Variants in SLC24A2 observed in about 807,000 individuals in gnomAD.
SLC24A2 encodes the protein sodium/potassium/calcium exchanger 2.
SLC24A2 carries 36 observed loss-of-function variants against 62.0 expected under a neutral mutation model. The observed-to-expected ratio is 0.58, with a 90% CI of 0.44 to 0.77. SLC24A2 has a LOEUF of 0.77. Among genes scored for constraint, SLC24A2 ranks in the 30% least tolerant of loss-of-function variants. SLC24A2 has a pLI of 0.00. For missense variants in SLC24A2, 846 were observed against 817.9 expected, an observed-to-expected ratio of 1.03 and a Z score of -0.42; for synonymous variants, 358 against 294.0, an observed-to-expected ratio of 1.22 and a Z score of -2.23.
the SLC24A2 span, among the ~76,000 whole-genome samples, chr9:20,235,528 G>A: frequency 3.9e-5 from 6 of 152,224 alleles, no homozygotes; most frequent in Admixed American, 1.3e-4. Context: ...GACCCTCTGA[G>A]CCATATGCGG....
intron 2 of SLC24A2, among the ~76,000 whole-genome samples, chr9:19,736,769 T>C (rs190058133): frequency 1.3e-5 from 2 of 152,302 alleles, no homozygotes; most frequent in East Asian, 1.9e-4. Context: ...GGAGGATCCC[T>C]TGAGACCAGG....
At chr9:20,259,966 C>A in the SLC24A2 span, among the ~76,000 whole-genome samples, 6 of 152,114 alleles carry the variant, frequency 3.9e-5, no homozygotes, top group Non-Finnish European at 8.8e-5. Context: ...CATCCGTAGT[C>A]CCAGCTACCC....
the SLC24A2 span, among the ~76,000 whole-genome samples, chr9:20,168,762 T>G: frequency 2.6e-5 from 4 of 152,026 alleles, no homozygotes; most frequent in Non-Finnish European, 4.4e-5. Flanking sequence ...GGTGGGAATG[T>G]AAAATGATGC....
chr9:20,077,982 T>G, the SLC24A2 span, among the ~76,000 whole-genome samples: 1 of 143,190 alleles, frequency 7.0e-6, no homozygotes, highest in Admixed American at 6.7e-5. Flanking sequence ...AGAGAATATG[T>G]AGGGAATGTG....
the SLC24A2 span, among the ~76,000 whole-genome samples, chr9:19,794,214 T>C: frequency 6.6e-6 from 1 of 152,214 alleles, no homozygotes; most frequent in Non-Finnish European, 1.5e-5. Context: ...ATTTTTACAT[T>C]AGGAACGGGA....
chr9:19,931,783 A>G, the SLC24A2 span, among the ~76,000 whole-genome samples: 2 of 152,220 alleles, frequency 1.3e-5, no homozygotes, highest in African/African-American at 2.4e-5. Flanking sequence ...ACAAACAACC[A>G]GAATAATTAT....
the SLC24A2 span, among the ~76,000 whole-genome samples, chr9:20,016,738 C>G: frequency 6.6e-6 from 1 of 152,086 alleles, no homozygotes; most frequent in African/African-American, 2.4e-5. Context: ...CACACACACA[C>G]AAACACATAC....
chr9:19,576,614 G>A (rs957555470), intron 6 of SLC24A2, among the ~76,000 whole-genome samples: 1 of 152,210 alleles, frequency 6.6e-6, no homozygotes, highest in Non-Finnish European at 1.5e-5. Context: ...TGTTTATGTG[G>A]AATCCCTGAA....
chr9:19,774,662 C>A (rs74615161), intron 2 of SLC24A2, among the ~76,000 whole-genome samples: 1 of 152,276 alleles, frequency 6.6e-6, no homozygotes, highest in African/African-American at 2.4e-5. Context: ...TCTACCTACA[C>A]CCTGCTTGTC....
chr9:19,901,504 G>A, the SLC24A2 span, among the ~76,000 whole-genome samples: 1 of 152,094 alleles, frequency 6.6e-6, no homozygotes, highest in Non-Finnish European at 1.5e-5. Flanking sequence ...GAGGGGTTGG[G>A]GCAGGAGCTT....
intron 8 of SLC24A2, among the ~76,000 whole-genome samples, chr9:19,540,372 C>T (rs1242884162): frequency 1.4e-5 from 2 of 145,816 alleles, no homozygotes; most frequent in African/African-American, 2.6e-5. Flanking sequence ...TTTAGTGCTT[C>T]CTTCAGGAGC....
At chr9:19,903,098 G>T in the SLC24A2 span, among the ~76,000 whole-genome samples, 2 of 151,386 alleles carry the variant, frequency 1.3e-5, no homozygotes, top group African/African-American at 4.9e-5. Flanking sequence ...ATCAGATCGA[G>T]TGCCAGACCT....
At chr9:20,148,373 G>A in the SLC24A2 span, among the ~76,000 whole-genome samples, 1 of 152,058 alleles carries the variant, frequency 6.6e-6, no homozygotes, top group Non-Finnish European at 1.5e-5. Flanking sequence ...AGAGGTGTCT[G>A]TTTCCAAGTA....
the SLC24A2 span, among the ~76,000 whole-genome samples, chr9:19,979,436 G>A: frequency 2.0e-5 from 3 of 152,134 alleles, no homozygotes; most frequent in Non-Finnish European, 4.4e-5. Flanking sequence ...ATTTGGATAC[G>A]CTTATGGGTG....
chr9:20,199,135 A>G, the SLC24A2 span, among the ~76,000 whole-genome samples: 1 of 152,148 alleles, frequency 6.6e-6, no homozygotes, highest in African/African-American at 2.4e-5. Flanking sequence ...TTCAGGTGTC[A>G]TTTTATTTTA....
the SLC24A2 span, among the ~76,000 whole-genome samples, chr9:19,905,285 C>T: frequency 3.3e-5 from 5 of 152,144 alleles, no homozygotes; most frequent in East Asian, 1.9e-4. Context: ...TTCAGCTCCC[C>T]GGTATTGTCC....
chr9:20,277,290 G>A, the SLC24A2 span, among the ~76,000 whole-genome samples: 2 of 152,052 alleles, frequency 1.3e-5, no homozygotes, highest in African/African-American at 4.8e-5. Flanking sequence ...CCATCAGAGT[G>A]AACAGGCAAC....
intron 7 of SLC24A2, among the ~76,000 whole-genome samples, chr9:19,569,746 A>G (rs967668119): frequency 3.3e-5 from 5 of 152,110 alleles, no homozygotes; most frequent in Non-Finnish European, 7.4e-5. Context: ...ATCATGATCT[A>G]CAAGACCTAC....
chr9:20,098,253 C>A, the SLC24A2 span, among the ~76,000 whole-genome samples: 1 of 152,134 alleles, frequency 6.6e-6, no homozygotes, highest in South Asian at 2.1e-4. Context: ...TCATTGATAT[C>A]AGACTATATT....
Sources: gnomAD v4.1 joint callset for allele counts (sites outside exome capture counted in the v4.1 genomes callset) on GRCh38, gnomAD v4.1.1 for gene constraint, MANE v1.5 for transcripts, NCBI Gene and HGNC (gene_info 2026-07-23, HGNC 2026-07-21) for gene names.